Variants in CHCHD3 observed in about 807,000 individuals in gnomAD.
CHCHD3 encodes MICOS complex subunit MIC19.
In CHCHD3, 20 loss-of-function variants were observed where a neutral mutation model predicts 38.2. The ratio of observed to expected loss-of-function variants is 0.52; its 90% CI spans 0.37 to 0.76. CHCHD3 has a LOEUF of 0.76. Among genes scored for constraint, CHCHD3 ranks in the 30% least tolerant of loss-of-function variants. CHCHD3 has a pLI of 0.00. For missense variants in CHCHD3, 245 were observed against 279.2 expected (o/e 0.88, Z 0.87); for synonymous variants, 82 against 100.0 (o/e 0.82, Z 1.07).
intron 4 of CHCHD3, among the ~76,000 whole-genome samples, chr7:132,921,316 T>C (rs1013575514): frequency 1.1e-4 from 16 of 152,234 alleles, no homozygotes; most frequent in African/African-American, 4.8e-5. Flanking sequence ...CAATTATATA[T>C]ACTTGAAATA....
At chr7:133,026,751 G>A (rs1029728619) in intron 2 of CHCHD3, among the ~76,000 whole-genome samples, 4 of 152,008 alleles carry the variant, frequency 2.6e-5, no homozygotes, top group East Asian at 1.9e-4. Flanking sequence ...AAAACACTAC[G>A]CTAAGGGAAA....
In CHCHD3 at chr7:132,898,766, A is replaced by G. The variant is rs185115225; in HGVS notation, c.370-13021T>C. Among the ~76,000 whole-genome samples, 1,004 of 152,350 alleles carry G rather than the reference A, an allele frequency of 6.6e-3. 11 individuals carry two copies. The highest frequency in any genetic ancestry group is 0.022 in the African/African-American group (932 of 41,592). On this transcript the variant is annotated intron_variant, in intron 4 of 7. Coordinates refer to ENST00000262570, the MANE Select transcript of CHCHD3 (RefSeq NM_017812.4). ...GCCTTGCCCCACGGGAAGGCAGCTAAGGCCCGGCGAGAAATCGAGCGCAGC... is the reference window on the plus strand; with the variant it reads ...GCCTTGCCCCACGGGAAGGCAGCTAGGGCCCGGCGAGAAATCGAGCGCAGC...
At chr7:132,923,330 GCTGT>G (rs751818364) in intron 4 of CHCHD3, among the ~76,000 whole-genome samples, 1 of 152,078 alleles carries the variant, frequency 6.6e-6, no homozygotes, top group East Asian at 1.9e-4. Context: ...ATAAAGTATG[GCTGT>G]CTATTTATAG....
intron 3 of CHCHD3, among the ~76,000 whole-genome samples, chr7:133,004,127 T>C (rs1239575315): frequency 6.6e-6 from 1 of 152,138 alleles, no homozygotes; most frequent in Admixed American, 6.6e-5. Flanking sequence ...ATTTTTGTTT[T>C]TGTTTTTGTT....
At chr7:132,977,364 C>CT (rs1811794261) in intron 3 of CHCHD3, among the ~76,000 whole-genome samples, 1 of 152,190 alleles carries the variant, frequency 6.6e-6, no homozygotes. Flanking sequence ...AAGTTTAAGA[C>CT]TACAGCCCTT....
At chr7:132,879,573 C>A (rs780699755) in intron 5 of CHCHD3, among the ~76,000 whole-genome samples, 1 of 151,864 alleles carries the variant, frequency 6.6e-6, no homozygotes, top group Non-Finnish European at 1.5e-5. Flanking sequence ...GTGGCTTCTG[C>A]CCTCTATGAC....
intron 2 of CHCHD3, among the ~76,000 whole-genome samples, chr7:133,045,114 G>C (rs1317707215): frequency 3.9e-5 from 6 of 152,188 alleles, no homozygotes; most frequent in Non-Finnish European, 8.8e-5. Flanking sequence ...CAGTTTAGAA[G>C]AAACAGCTTA....
chr7:132,878,070 A>C (rs1459102758), intron 5 of CHCHD3, among the ~76,000 whole-genome samples: 1 of 152,184 alleles, frequency 6.6e-6, no homozygotes, highest in Non-Finnish European at 1.5e-5. Flanking sequence ...CCATCTCCAA[A>C]AAACGACTGT....
intron 5 of CHCHD3, among the ~76,000 whole-genome samples, chr7:132,856,046 TAGAA>T (rs1808336967): frequency 6.6e-6 from 1 of 152,202 alleles, no homozygotes. Flanking sequence ...GAATTGTTCT[TAGAA>T]AGATCCCACC....
chr7:132,797,298 A>G (rs967385063), intron 6 of CHCHD3, among the ~76,000 whole-genome samples: 2 of 151,914 alleles, frequency 1.3e-5, no homozygotes, highest in East Asian at 1.9e-4. Context: ...GAAATGCTCT[A>G]CGCCCAAACT....
intron 2 of CHCHD3, among the ~76,000 whole-genome samples, chr7:133,042,941 A>T (rs1309863993): frequency 1.3e-5 from 2 of 152,088 alleles, no homozygotes; most frequent in Non-Finnish European, 2.9e-5. Flanking sequence ...AACACGGCAC[A>T]CTGTAGCATC....
At chr7:132,972,541 G>T in intron 4 of CHCHD3, 1 of 953,210 alleles carries the variant, frequency 1.0e-6, no homozygotes, top group Non-Finnish European at 1.2e-6. Flanking sequence ...GAATATGTAT[G>T]TCTTCCATAA....
intron 2 of CHCHD3, chr7:133,034,508 C>CTTTTTTTTTTTTTTTTTTTTTTTTT (rs146912120): frequency 2.1e-5 from 6 of 285,196 alleles, no homozygotes; most frequent in Admixed American, 1.5e-4. Flanking sequence ...TGGATCCAGT[C>CTTTTTTTTTTTTTTTTTTTTTTTTT]TTTTTTTTTT....
chr7:132,898,441 G>C (rs1300450971), intron 4 of CHCHD3, among the ~76,000 whole-genome samples: 2 of 152,200 alleles, frequency 1.3e-5, no homozygotes, highest in Non-Finnish European at 2.9e-5. Context: ...GGCCCCACCA[G>C]AGTAGCTAGA....
intron 2 of CHCHD3, among the ~76,000 whole-genome samples, chr7:133,029,872 C>T (rs1813452623): frequency 6.6e-6 from 1 of 152,002 alleles, no homozygotes; most frequent in South Asian, 2.1e-4. Flanking sequence ...AGGACAACAA[C>T]AGCAATGAAA....
intron 2 of CHCHD3, among the ~76,000 whole-genome samples, chr7:133,046,986 C>A (rs1265420954): frequency 6.6e-6 from 1 of 152,070 alleles, no homozygotes. Flanking sequence ...GAGTGAAGAC[C>A]CAAACTTACA....
chr7:132,974,535 C>G (rs995208777), intron 4 of CHCHD3, among the ~76,000 whole-genome samples: 3 of 151,988 alleles, frequency 2.0e-5, no homozygotes, highest in Admixed American at 2.0e-4. Flanking sequence ...GCCTACATTG[C>G]TGACCCCTGA....
intron 5 of CHCHD3, among the ~76,000 whole-genome samples, chr7:132,842,783 G>T (rs1356846203): frequency 6.6e-6 from 1 of 152,134 alleles, no homozygotes; most frequent in African/African-American, 2.4e-5. Flanking sequence ...GATTTCAGGG[G>T]CTACCTTATG....
rs1326779092 is a variant in CHCHD3, at chr7:133,081,913, G to A, written c.25C>T (p.Arg9Trp). The change falls in exon 1 of 8, where the codon CGG becomes TGG. Residue 9 changes from arginine (R) to tryptophan (W), a missense_variant. Arg to Trp is a moderately radical substitution (Grantham distance 101, BLOSUM62 -3). Coordinates refer to ENST00000262570, the MANE Select transcript of CHCHD3 (RefSeq NM_017812.4). ...TTCTCGTCCGCCTCGAAGGTGACCC[G>A]GCGGGTGCTGGTGGTCCCACCCATG... MGGTTSTRRVTFEADENEN... is the reference protein window; with the variant it reads MGGTTSTRWVTFEADENEN... The A allele has an allele frequency of 4.5e-6, 7 of 1,557,154 alleles. No individual in the cohort carries two copies. The highest frequency in any genetic ancestry group is 6.1e-6 in the Non-Finnish European group (7 of 1,150,450).
Sources: allele counts gnomAD v4.1 joint callset (sites outside exome capture counted in the v4.1 genomes callset), GRCh38; gene constraint gnomAD v4.1.1; transcripts MANE v1.5; gene names NCBI Gene and HGNC (gene_info 2026-07-23, HGNC 2026-07-21).